The following MRTFA variants were observed in gnomAD, a reference collection of about 807,000 sequenced individuals.
The protein encoded by MRTFA is myocardin-related transcription factor A.
A neutral mutation model predicts 83.5 loss-of-function variants in MRTFA; 20 were observed. The observed-to-expected ratio is 0.24, with a 90% CI of 0.17 to 0.35. MRTFA has a LOEUF of 0.35. MRTFA is among the 10% of genes least tolerant of loss of function. MRTFA has a pLI of 1.00. For synonymous variants in MRTFA, 659 were observed against 541.2 expected, an observed-to-expected ratio of 1.22 and a Z score of -3.02; for missense variants, 1,200 against 1,224.7, an observed-to-expected ratio of 0.98 and a Z score of 0.30.
At chr22:40,484,659 T>A (rs1185057688) in intron 3 of MRTFA, among the ~76,000 whole-genome samples, 1 of 152,216 alleles carries the variant, frequency 6.6e-6, no homozygotes, top group Non-Finnish European at 1.5e-5. Flanking sequence ...AAAGCAGAAC[T>A]TAAATAAATG....
intron 14 of MRTFA, among the ~76,000 whole-genome samples, chr22:40,415,838 G>T: frequency 6.6e-6 from 1 of 151,766 alleles, no homozygotes; most frequent in South Asian, 2.1e-4. Flanking sequence ...TCCAGGCCTC[G>T]GTCCTCAGCT....
chr22:40,507,465 T>C (rs968556991), intron 3 of MRTFA, among the ~76,000 whole-genome samples: 5 of 151,794 alleles, frequency 3.3e-5, no homozygotes, highest in Non-Finnish European at 7.4e-5. Context: ...AAATCCTGTC[T>C]CTAAAAAGAA....
At chr22:40,628,562 A>C (rs566355221) in intron 1 of MRTFA, among the ~76,000 whole-genome samples, 1 of 152,264 alleles carries the variant, frequency 6.6e-6, no homozygotes, top group African/African-American at 2.4e-5. Flanking sequence ...ACAAGCTCTC[A>C]TTTACACAGA....
In MRTFA at chr22:40,416,799, G is replaced by A. The variant is rs891958666; in HGVS notation, c.2578+187C>T. 3.9e-5 allele frequency among the ~76,000 whole-genome samples: 6 copies of A among 152,246 alleles called. No homozygotes were observed. The highest frequency in any genetic ancestry group is 7.3e-5 in the Non-Finnish European group (5 of 68,042). ...GGGGCAGTGCTTCCAGCTGAAGGAC[G>A]GCACCTTCCCTGGTCCTCTCGCCCA... is the stretch of plus-strand genomic sequence containing the variant. On this transcript the variant is annotated intron_variant, in intron 14 of 14. Coordinates refer to ENST00000355630, the MANE Select transcript of MRTFA (RefSeq NM_020831.6). The surrounding 1 kb of genome is among the most constrained non-coding windows in gnomAD (Gnocchi z 4.2).
intron 7 of MRTFA, chr22:40,429,400 T>C (rs1602228052): frequency 2.8e-6 from 2 of 702,524 alleles, no homozygotes; most frequent in East Asian, 2.7e-5. Context: ...TGTATGTCCC[T>C]GTTTCTTAAA....
chr22:40,449,864 A>G (rs1293587811), intron 4 of MRTFA, among the ~76,000 whole-genome samples: 1 of 152,186 alleles, frequency 6.6e-6, no homozygotes, highest in African/African-American at 2.4e-5. Context: ...GCTAGGGCTT[A>G]ATTCAGATGG....
intron 2 of MRTFA, among the ~76,000 whole-genome samples, chr22:40,578,638 G>C (rs1273040756): frequency 1.3e-5 from 2 of 152,030 alleles, no homozygotes; most frequent in Non-Finnish European, 2.9e-5. Context: ...GTAGCGAGTT[G>C]AGGCCAGGCA....
intron 1 of MRTFA, among the ~76,000 whole-genome samples, chr22:40,613,532 G>C (rs1268985591): frequency 6.6e-6 from 1 of 152,056 alleles, no homozygotes; most frequent in Non-Finnish European, 1.5e-5. Context: ...CATTCTAATG[G>C]GAATAAAATG....
At chr22:40,619,252 C>T (rs1350374878) in intron 1 of MRTFA, among the ~76,000 whole-genome samples, 1 of 151,784 alleles carries the variant, frequency 6.6e-6, no homozygotes, top group East Asian at 1.9e-4. Flanking sequence ...TGGTGGCTCA[C>T]AGGAAGTGAA....
At chr22:40,564,902 C>A (rs1202546894) in intron 2 of MRTFA, among the ~76,000 whole-genome samples, 1 of 152,022 alleles carries the variant, frequency 6.6e-6, no homozygotes, top group Non-Finnish European at 1.5e-5. Context: ...CCGCCCACCT[C>A]GGCTTCCCAA....
intron 4 of MRTFA, among the ~76,000 whole-genome samples, chr22:40,453,022 G>A (rs879928263): frequency 1.3e-5 from 2 of 152,106 alleles, no homozygotes; most frequent in Non-Finnish European, 2.9e-5. Flanking sequence ...CTCTACAACA[G>A]CAGAAGCGAG....
chr22:40,513,942 A>G (rs1052070743), intron 3 of MRTFA, among the ~76,000 whole-genome samples: 6 of 151,524 alleles, frequency 4.0e-5, no homozygotes, highest in African/African-American at 1.2e-4. Context: ...AGTTAAAGTA[A>G]TAATTTTTTT....
chr22:40,534,953 T>C (rs2055142395), intron 3 of MRTFA, among the ~76,000 whole-genome samples: 3 of 152,178 alleles, frequency 2.0e-5, no homozygotes, highest in Admixed American at 6.5e-5. Context: ...CAATATTTTG[T>C]TATTAGTAAA....
chr22:40,433,374 T>C (rs530475388), intron 5 of MRTFA: 1 of 152,350 alleles, frequency 6.6e-6, no homozygotes, highest in Non-Finnish European at 1.5e-5. Context: ...GGTAGATGCC[T>C]ACACATCCCA....
rs138449550 is a variant in MRTFA, at chr22:40,579,381, A to G, written c.-22+15293T>C. On this transcript the variant is annotated intron_variant, in intron 2 of 14. Coordinates refer to ENST00000355630, the MANE Select transcript of MRTFA (RefSeq NM_020831.6). ...TAATTTACACTTTCTTATTATACAC[A>G]GTAAACATTTATTAAAAATAATAAT... is the stretch of plus-strand genomic sequence containing the variant. Among the ~76,000 whole-genome samples, 358 of 152,332 alleles carry G rather than the reference A, an allele frequency of 2.4e-3. 2 individuals carry two copies. Among genetic ancestry groups the G allele is most frequent in the African/African-American group, 8.3e-3 (344 of 41,572 alleles).
chr22:40,441,969 T>C (rs1433401356), intron 4 of MRTFA, among the ~76,000 whole-genome samples: 1 of 152,126 alleles, frequency 6.6e-6, no homozygotes. Flanking sequence ...GGTCTTGATT[T>C]AATCTGGCAC....
intron 3 of MRTFA, among the ~76,000 whole-genome samples, chr22:40,505,734 GTTC>G (rs1319829992): frequency 6.6e-6 from 1 of 152,144 alleles, no homozygotes; most frequent in African/African-American, 2.4e-5. Flanking sequence ...AGGACACAGC[GTTC>G]TTCTTCCCCT....
At chr22:40,615,784 A>G (rs1258914321) in intron 1 of MRTFA, among the ~76,000 whole-genome samples, 2 of 151,180 alleles carry the variant, frequency 1.3e-5, no homozygotes, top group African/African-American at 4.9e-5. Flanking sequence ...TCCTCAGTTC[A>G]AGTGATTCTC....
intron 3 of MRTFA, among the ~76,000 whole-genome samples, chr22:40,481,310 C>T (rs147875147): frequency 7.9e-5 from 12 of 152,206 alleles, no homozygotes; most frequent in African/African-American, 2.2e-4. Flanking sequence ...AGGTTCTTTT[C>T]GGGCACTAGG....
Sources: allele counts gnomAD v4.1 joint callset (sites outside exome capture counted in the v4.1 genomes callset), GRCh38; gene constraint gnomAD v4.1.1; non-coding constraint Gnocchi (gnomAD v3.1); transcripts MANE v1.5; gene names NCBI Gene and HGNC (gene_info 2026-07-23, HGNC 2026-07-21).